COLQ: variants seen among roughly 807,000 people sequenced by gnomAD.
COLQ encodes collagen like tail subunit of asymmetric acetylcholinesterase.
In COLQ, 48 loss-of-function variants were observed where a neutral mutation model predicts 69.0. That is an observed-to-expected ratio of 0.70 (90% CI 0.55 to 0.88). The LOEUF is 0.88. Among genes scored for constraint, COLQ ranks in the 40% least tolerant of loss-of-function variants. COLQ has a pLI of 0.00. For missense variants in COLQ, 618 were observed against 594.6 expected (o/e 1.04, Z -0.41); for synonymous variants, 217 against 211.2 (o/e 1.03, Z -0.24).
At position 15,518,543 on chromosome 3, in the gene COLQ, C is replaced by T. The variant is rs147967018; in HGVS notation, c.106+2977G>A. 2.5e-3 allele frequency among the ~76,000 whole-genome samples: 383 copies of T among 152,270 alleles called. 2 individuals are homozygous for T. Among genetic ancestry groups the T allele is most frequent in the Non-Finnish European group, 3.8e-3 (258 of 68,010 alleles). On this transcript the variant is annotated intron_variant, in intron 1 of 16. Coordinates refer to ENST00000383788, the MANE Select transcript of COLQ (RefSeq NM_005677.4). Reference sequence around the variant, plus strand: ...CAGTTCTGGCCTCTGATGTTTTTTGCTCCTTCCTGGTTCTCCTCTGGGACC... The same window carrying T: ...CAGTTCTGGCCTCTGATGTTTTTTGTTCCTTCCTGGTTCTCCTCTGGGACC...
rs767419139 is a variant in COLQ, at chr3:15,470,543, C to T, written c.710G>A (p.Gly237Asp). 6.2e-7 allele frequency: 1 copy of T among 1,613,796 alleles called. No homozygotes were observed. The highest frequency in any genetic ancestry group is 8.5e-7 in the Non-Finnish European group (1 of 1,180,006). ...RGPTGRPGKR[G>D]KQGQKGDSGV... ...AAGCCCTGGGATCCTTACCTGCTTG[C>T]CTCGTTTTCCTGGTCTTCCTGTGGG... Residue 237 changes from glycine (G) to aspartate (D), a missense_variant, in exon 11 of 17, where the codon GGC becomes GAC. Transcript: ENST00000383788.
intron 1 of COLQ, among the ~76,000 whole-genome samples, chr3:15,511,875 T>A (rs2062990661): frequency 6.6e-6 from 1 of 152,116 alleles, no homozygotes; most frequent in African/African-American, 2.4e-5. Context: ...CAACTCCTCA[T>A]GATCATAACC....
intron 1 of COLQ, among the ~76,000 whole-genome samples, chr3:15,496,718 A>T (rs1424368913): frequency 6.6e-6 from 1 of 152,200 alleles, no homozygotes; most frequent in Non-Finnish European, 1.5e-5. Context: ...TTGCCAAATT[A>T]TGGGTAATTG....
chr3:15,474,297 T>C (rs1364818005), intron 8 of COLQ, 25 bp from the exon 9 acceptor site: 15 of 1,612,058 alleles, frequency 9.3e-6, no homozygotes, highest in Non-Finnish European at 1.2e-5. Flanking sequence ...TAGGAGAAAG[T>C]CAATGAGTTA....
At chr3:15,456,292 G>A (rs2062024549) in intron 14 of COLQ, among the ~76,000 whole-genome samples, 168 bp downstream of exon 14, 2 of 146,014 alleles carry the variant, frequency 1.4e-5, no homozygotes, top group South Asian at 4.2e-4. Flanking sequence ...CAGGGTGGGG[G>A]AATGGAGGGC....
intron 11 of COLQ, among the ~76,000 whole-genome samples, chr3:15,469,999 ACAAGAG>A (rs995841480): frequency 6.6e-6 from 1 of 152,210 alleles, no homozygotes; most frequent in African/African-American, 2.4e-5. Context: ...ATGGCTTAAC[ACAAGAG>A]CCTGCTGACC....
intron 1 of COLQ, among the ~76,000 whole-genome samples, chr3:15,516,078 C>T (rs139296246): frequency 5.3e-5 from 8 of 152,162 alleles, no homozygotes; most frequent in Non-Finnish European, 7.3e-5. Context: ...CACTGCTGCA[C>T]GCAGAGGCTT....
chr3:15,499,606 C>T (rs1446179128), intron 1 of COLQ, among the ~76,000 whole-genome samples: 5 of 152,202 alleles, frequency 3.3e-5, no homozygotes, highest in Admixed American at 3.3e-4. Context: ...GTTTGCCAAG[C>T]CCTGCACTAT....
At position 15,489,570 on chromosome 3, in the gene COLQ, T is replaced by C; in HGVS notation, c.174A>G (p.Pro58=). ...HKACCLLTPP[P]PPLFPPPFFR... Reference sequence around the variant, plus strand: ...AGAATGGTGGTGGGAACAGTGGTGGTGGAGGAGGCGTCAGCAGGCAGCATG... The same window carrying C: ...AGAATGGTGGTGGGAACAGTGGTGGCGGAGGAGGCGTCAGCAGGCAGCATG... The change falls in exon 2 of 17, where the codon CCA becomes CCG. Residue 58 remains proline (P), a synonymous_variant. Transcript: ENST00000383788. 6.2e-7 allele frequency: 1 copy of C among 1,614,126 alleles called. No homozygotes were observed. The highest frequency in any genetic ancestry group is 8.5e-7 in the Non-Finnish European group (1 of 1,180,032).
intron 1 of COLQ, among the ~76,000 whole-genome samples, chr3:15,506,250 T>C (rs1033633864): frequency 6.6e-6 from 1 of 152,244 alleles, no homozygotes; most frequent in Non-Finnish European, 1.5e-5. Context: ...TTCTCCTTGC[T>C]GCTTTGGATC....
intron 1 of COLQ, among the ~76,000 whole-genome samples, chr3:15,502,085 C>A (rs1355736324): frequency 6.7e-6 from 1 of 149,810 alleles, no homozygotes; most frequent in Admixed American, 6.7e-5. Context: ...AAAGAGTTTT[C>A]ATCTATCTCA....
intron 1 of COLQ, among the ~76,000 whole-genome samples, chr3:15,503,496 A>G (rs2062860718): frequency 6.6e-6 from 1 of 152,200 alleles, no homozygotes; most frequent in African/African-American, 2.4e-5. Flanking sequence ...AACCAGGGAC[A>G]TGGACTGTTA....
chr3:15,478,543 T>G, intron 5 of COLQ: 1 of 256,628 alleles, frequency 3.9e-6, no homozygotes, highest in Non-Finnish European at 7.7e-6. Flanking sequence ...GTAACCTCCA[T>G]TTATTTCAGC....
chr3:15,458,324 T>C lies in COLQ; in HGVS notation c.816A>G (p.Gly272=), dbSNP rs1575463426. Reference sequence around the variant, plus strand: ...CCCCTTTGGGTCCCATTATAAGTTGTCCTAGGAAGCAACAGACTGCTGTGT... The same window carrying C: ...CCCCTTTGGGTCCCATTATAAGTTGCCCTAGGAAGCAACAGACTGCTGTGT... ...RPGPPGPPPA[G]QLIMGPKGER... is the part of the protein sequence containing the mutation. The change falls in exon 13 of 17, where the codon GGA becomes GGG. Residue 272 remains glycine, a splice_region_variant and synonymous_variant. Transcript: ENST00000383788. The C allele has an allele frequency of 6.2e-7, 1 of 1,613,990 alleles. No homozygotes were observed. Among genetic ancestry groups the C allele is most frequent in the East Asian group, 2.2e-5 (1 of 44,876 alleles).
At position 15,466,465 on chromosome 3, in the gene COLQ, A is replaced by G. The variant is rs746266901; in HGVS notation, c.718-28T>C. On this transcript the variant is annotated intron_variant, in intron 11 of 16. Transcript: ENST00000383788. ...GACAGAGAGAAAGGCAGAGCCTGTT[A>G]TGAAAGCATGACATAGCAAGCTTCC... The G allele has an allele frequency of 3.8e-6, 6 of 1,587,700 alleles. No individual in the cohort carries two copies. In the African/African-American group the frequency reaches 6.7e-5, roughly 18 times the overall value.
intron 1 of COLQ, among the ~76,000 whole-genome samples, chr3:15,501,379 G>C (rs1041476951): frequency 6.6e-6 from 1 of 152,122 alleles, no homozygotes; most frequent in Non-Finnish European, 1.5e-5. Context: ...CTCCTGCTGT[G>C]TCTCCCACCA....
rs1228078194 is a variant in COLQ, at chr3:15,470,557, T to A, written c.696A>T (p.Arg232Ser). 2.5e-6 allele frequency: 4 copies of A among 1,614,034 alleles called. No individual in the cohort carries two copies. The highest frequency in any genetic ancestry group is 3.4e-6 in the Non-Finnish European group (4 of 1,180,014). The change falls in exon 11 of 17, where the codon AGA becomes AGT. Residue 232 changes from arginine (R) to serine (S), a missense_variant. Transcript: ENST00000383788. ...GIAGHRGPTG[R>S]PGKRGKQGQK... ...TTACCTGCTTGCCTCGTTTTCCTGGTCTTCCTGTGGGTCCTCGGTGTCCTG... is the reference window on the plus strand; with the variant it reads ...TTACCTGCTTGCCTCGTTTTCCTGGACTTCCTGTGGGTCCTCGGTGTCCTG...
chr3:15,456,492 A>G lies in COLQ; in HGVS notation c.1042T>C (p.Phe348Leu). 6.2e-7 allele frequency: 1 copy of G among 1,614,192 alleles called. No individual in the cohort carries two copies. The highest frequency in any genetic ancestry group is 2.2e-5 in the East Asian group (1 of 44,890). ...AFRRDQRSLY[F>L]KDSLGWLPIQ... The stretch of plus-strand genomic sequence containing the variant: ...GGGAGCCAGCCAAGGCTGTCCTTGA[A>G]GTACAGAGATCTCTGGTCTCTGCGG... Residue 348 changes from phenylalanine (F) to leucine (L), a missense_variant, in exon 14 of 17, where the codon TTC becomes CTC. Transcript: ENST00000383788.
chr3:15,513,743 G>A (rs1401114344), intron 1 of COLQ, among the ~76,000 whole-genome samples: 2 of 152,304 alleles, frequency 1.3e-5, no homozygotes, highest in East Asian at 3.9e-4. Context: ...TGATTCTGAT[G>A]TCACTTTAAC....
Sources: allele counts gnomAD v4.1 joint callset (sites outside exome capture counted in the v4.1 genomes callset), GRCh38; gene constraint gnomAD v4.1.1; transcripts MANE v1.5; gene names NCBI Gene and HGNC (gene_info 2026-07-23, HGNC 2026-07-21).